Variants in APLF observed in about 807,000 individuals in gnomAD.
The protein encoded by APLF is aprataxin and PNKP like factor.
In APLF, 61 loss-of-function variants were observed where a neutral mutation model predicts 55.6. The ratio of observed to expected loss-of-function variants is 1.10; its 90% CI spans 0.89 to 1.36. The LOEUF is 1.36. Among genes scored for constraint, APLF ranks in the 40% most tolerant of loss-of-function variants. The pLI, the probability that APLF is intolerant of heterozygous loss-of-function variation, is 0.00. For synonymous variants in APLF, 207 were observed against 214.8 expected, an observed-to-expected ratio of 0.96 and a Z score of 0.32; for missense variants, 611 against 602.5, an observed-to-expected ratio of 1.01 and a Z score of -0.15.
At chr2:68,482,552 T>G (rs1253566238) in intron 1 of APLF, among the ~76,000 whole-genome samples, 9 of 152,126 alleles carry the variant, frequency 5.9e-5, no homozygotes, top group Non-Finnish European at 1.5e-5. Flanking sequence ...CTTCTCAGGC[T>G]GAGGGTGCTG....
intron 2 of APLF, among the ~76,000 whole-genome samples, chr2:68,492,051 CAG>C (rs1048212472): frequency 6.6e-6 from 1 of 152,026 alleles, no homozygotes; most frequent in Non-Finnish European, 1.5e-5. Flanking sequence ...CATTTTTTCT[CAG>C]TGTTAATCAA....
intron 9 of APLF, among the ~76,000 whole-genome samples, chr2:68,570,271 T>C (rs1429818501): frequency 2.1e-5 from 3 of 142,198 alleles, no homozygotes; most frequent in African/African-American, 8.7e-5. Flanking sequence ...AGATTTTGTT[T>C]TATTCTTTTT....
At chr2:68,561,344 C>T (rs188544505) in intron 8 of APLF, among the ~76,000 whole-genome samples, 51 of 152,186 alleles carry the variant, frequency 3.4e-4, no homozygotes. Context: ...TTGAATTAGG[C>T]TCAGCTCTCC....
At chr2:68,569,421 G>A (rs1356525092) in intron 9 of APLF, among the ~76,000 whole-genome samples, 1 of 152,134 alleles carries the variant, frequency 6.6e-6, no homozygotes, top group Non-Finnish European at 1.5e-5. Context: ...CACAGGCAAA[G>A]TGAGAAATAG....
At chr2:68,508,083 T>G (rs552221587) in intron 3 of APLF, among the ~76,000 whole-genome samples, 1 of 151,894 alleles carries the variant, frequency 6.6e-6, no homozygotes, top group South Asian at 2.1e-4. Flanking sequence ...ATATTTTATA[T>G]TAAAGATATG....
intron 5 of APLF, among the ~76,000 whole-genome samples, chr2:68,522,817 G>A (rs1337342291): frequency 1.3e-5 from 2 of 151,838 alleles, no homozygotes; most frequent in Non-Finnish European, 2.9e-5. Context: ...AGAAAATAAT[G>A]TTAAAGTACT....
chr2:68,568,609 A>G (rs1303549237), intron 9 of APLF, among the ~76,000 whole-genome samples: 1 of 152,166 alleles, frequency 6.6e-6, no homozygotes, highest in Non-Finnish European at 1.5e-5. Flanking sequence ...TATATTGTTG[A>G]CAAATTATAG....
At chr2:68,569,322 T>A (rs552091399) in intron 9 of APLF, among the ~76,000 whole-genome samples, 1 of 152,178 alleles carries the variant, frequency 6.6e-6, no homozygotes, top group Non-Finnish European at 1.5e-5. Flanking sequence ...AGACTTGATA[T>A]GAGAATTTTA....
chr2:68,538,311 CT>C, intron 7 of APLF, 84 bp downstream of exon 7: 4 of 1,234,558 alleles, frequency 3.2e-6, no homozygotes, highest in Non-Finnish European at 4.4e-6. Flanking sequence ...ATATTAAAAA[CT>C]TAATAAAACC....
intron 6 of APLF, among the ~76,000 whole-genome samples, chr2:68,536,397 A>G (rs1349018942): frequency 6.6e-6 from 1 of 152,220 alleles, no homozygotes; most frequent in Non-Finnish European, 1.5e-5. Flanking sequence ...ATTGAATATT[A>G]GGTCATGTAA....
chr2:68,517,380 A>G (rs1156957265), intron 5 of APLF, among the ~76,000 whole-genome samples: 6 of 128,706 alleles, frequency 4.7e-5, no homozygotes, highest in Admixed American at 8.6e-5. Flanking sequence ...TCATATAGTA[A>G]TATATGTTAT....
chr2:68,513,294 A>G, intron 4 of APLF, 67 bp downstream of exon 4: 1 of 1,499,874 alleles, frequency 6.7e-7, no homozygotes, highest in East Asian at 2.3e-5. Context: ...CAGAAAAGAC[A>G]ACTGAAATTA....
intron 9 of APLF, among the ~76,000 whole-genome samples, chr2:68,573,533 C>T (rs1366172132): frequency 3.3e-5 from 5 of 151,908 alleles, no homozygotes; most frequent in African/African-American, 7.2e-5. Context: ...AGTAGCTGGG[C>T]GTGGTGGCGG....
At chr2:68,574,432 A>C (rs1671567673) in intron 9 of APLF, among the ~76,000 whole-genome samples, 1 of 152,222 alleles carries the variant, frequency 6.6e-6, no homozygotes, top group African/African-American at 2.4e-5. Flanking sequence ...TCTGTGTGAC[A>C]CCACTAACAG....
rs186962263 is a variant in APLF at position 68,483,752 on chromosome 2, A to G, written c.97-6438A>G. Among the ~76,000 whole-genome samples, 997 of 152,012 alleles carry G rather than the reference A, an allele frequency of 6.6e-3. 10 individuals carry two copies. Among genetic ancestry groups the G allele is most frequent in the African/African-American group, 0.023 (949 of 41,506 alleles). ...TATAATATCCTGTGTAATACAGTTT[A>G]TACTAAAAAACAATTTGTAATATAG... On this transcript the variant is annotated intron_variant, in intron 1 of 9. Transcript: ENST00000303795.
intron 6 of APLF, among the ~76,000 whole-genome samples, chr2:68,537,559 G>A (rs922973886): frequency 2.6e-5 from 4 of 151,896 alleles, no homozygotes; most frequent in African/African-American, 4.8e-5. Flanking sequence ...TAGTAAAGAC[G>A]GGGTTTCACC....
intron 1 of APLF, among the ~76,000 whole-genome samples, chr2:68,468,636 A>G (rs989425957): frequency 6.6e-5 from 10 of 152,318 alleles, no homozygotes; most frequent in Non-Finnish European, 1.0e-4. Flanking sequence ...ACATTTGCAT[A>G]TTGCATTCTG....
chr2:68,521,245 C>G (rs78325925), intron 5 of APLF, among the ~76,000 whole-genome samples: 1 of 151,640 alleles, frequency 6.6e-6, no homozygotes, highest in East Asian at 1.9e-4. Context: ...GGATGCATCT[C>G]TTGGGTTTTC....
At chr2:68,538,283 G>T in intron 7 of APLF, 56 bp downstream of exon 7, 3 of 1,407,188 alleles carry the variant, frequency 2.1e-6, no homozygotes, top group Non-Finnish European at 2.9e-6. Context: ...GTGTAGCTAT[G>T]TAGATACATG....
Sources: gnomAD v4.1 joint callset for allele counts (sites outside exome capture counted in the v4.1 genomes callset) on GRCh38, gnomAD v4.1.1 for gene constraint, MANE v1.5 for transcripts, NCBI Gene and HGNC (gene_info 2026-07-23, HGNC 2026-07-21) for gene names.